The following TENM3 variants were observed in gnomAD, a reference collection of about 807,000 sequenced individuals.
The protein encoded by TENM3 is teneurin transmembrane protein 3.
A neutral mutation model predicts 255.1 loss-of-function variants in TENM3; 63 were observed. The observed-to-expected ratio is 0.25, with a 90% CI of 0.20 to 0.30. TENM3 has a LOEUF of 0.30. TENM3 is among the 10% of genes least tolerant of loss of function. The pLI, the probability that TENM3 is intolerant of heterozygous loss-of-function variation, is 1.00. For missense variants in TENM3, 2,929 were observed against 3,461.1 expected (o/e 0.85, Z 3.86); for synonymous variants, 1,306 against 1,322.3 (o/e 0.99, Z 0.27).
At chr4:182,573,521 C>G (rs983114972) in intron 3 of TENM3, among the ~76,000 whole-genome samples, 1 of 152,056 alleles carries the variant, frequency 6.6e-6, no homozygotes, top group African/African-American at 2.4e-5. Flanking sequence ...AACAACTGTT[C>G]ATAAAAGAAG....
At chr4:181,840,916 TC>T in the TENM3 span, among the ~76,000 whole-genome samples, 2 of 152,154 alleles carry the variant, frequency 1.3e-5, no homozygotes, top group Admixed American at 6.5e-5. Flanking sequence ...CTGAGTATTT[TC>T]TGCACTGACT....
chr4:182,580,379 C>T (rs1424404878), intron 3 of TENM3, among the ~76,000 whole-genome samples: 2 of 152,134 alleles, frequency 1.3e-5, no homozygotes, highest in African/African-American at 4.8e-5. Context: ...TCTCCGACTT[C>T]GGCTCTCATG....
the TENM3 span, among the ~76,000 whole-genome samples, chr4:181,502,029 G>A: frequency 0.014 from 2,065 of 152,284 alleles, 33 homozygotes; most frequent in African/African-American, 0.042. Context: ...TAGAACCCAA[G>A]AAGGTGGGAT....
intron 26 of TENM3, among the ~76,000 whole-genome samples, chr4:182,795,016 C>T (rs1162669613): frequency 6.6e-6 from 1 of 151,938 alleles, no homozygotes; most frequent in African/African-American, 2.4e-5. Flanking sequence ...CTCCTTTAGG[C>T]TGCCTCTTTT....
chr4:181,470,629 C>T, the TENM3 span, among the ~76,000 whole-genome samples: 3 of 152,058 alleles, frequency 2.0e-5, no homozygotes, highest in Non-Finnish European at 4.4e-5. Context: ...AATTTATTTC[C>T]TCTGTTAAAA....
the TENM3 span, among the ~76,000 whole-genome samples, chr4:181,717,714 C>T: frequency 3.3e-5 from 5 of 152,256 alleles, no homozygotes; most frequent in African/African-American, 1.2e-4. Flanking sequence ...CTCTTGTGAA[C>T]TTTGCAGAGG....
the TENM3 span, among the ~76,000 whole-genome samples, chr4:182,108,662 TA>T: frequency 6.6e-6 from 1 of 152,126 alleles, no homozygotes; most frequent in Non-Finnish European, 1.5e-5. Context: ...TGATTCCAAA[TA>T]AGTCCGAAGA....
the TENM3 span, among the ~76,000 whole-genome samples, chr4:181,557,327 G>T: frequency 1.3e-5 from 2 of 152,092 alleles, no homozygotes; most frequent in African/African-American, 2.4e-5. Context: ...AGCCACCTAG[G>T]CCAATTCCTA....
chr4:182,696,161 TAA>T (rs747580472), intron 12 of TENM3, among the ~76,000 whole-genome samples: 18 of 150,852 alleles, frequency 1.2e-4, no homozygotes, highest in South Asian at 2.1e-4. Flanking sequence ...TATTACACAA[TAA>T]AAAAAAAGTC....
intron 3 of TENM3, among the ~76,000 whole-genome samples, chr4:182,371,457 A>G (rs1766808695): frequency 1.3e-5 from 2 of 152,076 alleles, no homozygotes; most frequent in South Asian, 4.2e-4. Flanking sequence ...CCTTTTCTTC[A>G]ATCTGACCTA....
intron 6 of TENM3, among the ~76,000 whole-genome samples, chr4:182,663,325 T>C (rs1272511404): frequency 6.6e-6 from 1 of 151,938 alleles, no homozygotes; most frequent in Non-Finnish European, 1.5e-5. Flanking sequence ...GATCATACGT[T>C]TTAAAAAACC....
chr4:182,544,309 G>A (rs1227144464), intron 3 of TENM3, among the ~76,000 whole-genome samples: 1 of 142,236 alleles, frequency 7.0e-6, no homozygotes, highest in East Asian at 2.2e-4. Flanking sequence ...GCTCCCTCCA[G>A]CACAGCATTG....
the TENM3 span, among the ~76,000 whole-genome samples, chr4:181,810,701 A>G: frequency 5.3e-5 from 8 of 152,156 alleles, no homozygotes; most frequent in South Asian, 6.2e-4. Context: ...ACACGGATCC[A>G]CAGGACAGAA....
At chr4:182,556,403 C>T (rs1742589549) in intron 3 of TENM3, among the ~76,000 whole-genome samples, 1 of 152,150 alleles carries the variant, frequency 6.6e-6, no homozygotes, top group South Asian at 2.1e-4. Context: ...ACAGACCATT[C>T]AGGCATAGTT....
chr4:181,786,415 G>A, the TENM3 span, among the ~76,000 whole-genome samples: 6 of 152,108 alleles, frequency 3.9e-5, no homozygotes, highest in East Asian at 1.9e-4. Flanking sequence ...TGGTTGATAC[G>A]TAAATACTCT....
chr4:181,643,145 T>C, the TENM3 span, among the ~76,000 whole-genome samples: 4 of 152,180 alleles, frequency 2.6e-5, no homozygotes, highest in African/African-American at 9.6e-5. Flanking sequence ...GAGTTTGAAA[T>C]GTGGAATGTT....
the TENM3 span, among the ~76,000 whole-genome samples, chr4:181,638,726 G>T: frequency 6.6e-6 from 1 of 152,040 alleles, no homozygotes; most frequent in Admixed American, 6.5e-5. Context: ...GAGATGGTGG[G>T]TTTTTTTAAA....
At position 182,800,829 on chromosome 4, in the gene TENM3, A is replaced by G. The variant is rs1302165712; in HGVS notation, c.*478A>G. The G allele has an allele frequency of 1.3e-5, 2 of 153,336 alleles. No individual in the cohort carries two copies. Among genetic ancestry groups the G allele is most frequent in the African/African-American group, 4.8e-5 (2 of 41,442 alleles). 9.5% of individuals were successfully genotyped at this position (153,336 alleles called of 1,614,324 possible). A position where few individuals can be genotyped will look rare whatever the true frequency, so the allele number is the denominator to read the frequency against. On this transcript the variant is annotated 3_prime_UTR_variant, in exon 28 of 28. Transcript: ENST00000511685. Reference sequence around the variant, plus strand: ...AAAGTTACTGTTTCTAGACAACCCAACTGCTTTCCCTGTGCAGCTTTGTAG... The same window carrying G: ...AAAGTTACTGTTTCTAGACAACCCAGCTGCTTTCCCTGTGCAGCTTTGTAG...
intron 10 of TENM3, 73 bp from the exon 11 acceptor site, chr4:182,681,741 G>A: frequency 9.3e-7 from 1 of 1,073,234 alleles, no homozygotes; most frequent in Non-Finnish European, 1.3e-6. Flanking sequence ...ATTAGATTAG[G>A]ATTTAATTCT....
Sources: allele counts gnomAD v4.1 joint callset (sites outside exome capture counted in the v4.1 genomes callset), GRCh38; gene constraint gnomAD v4.1.1; transcripts MANE v1.5; gene names NCBI Gene and HGNC (gene_info 2026-07-23, HGNC 2026-07-21).